Variants in METTL15 observed in about 807,000 individuals in gnomAD.
The protein encoded by METTL15 is methyltransferase 15, mitochondrial 12S rRNA N4-cytidine, also known as 12S rRNA N(4)-cytidine methyltransferase METTL15.
In METTL15, 34 loss-of-function variants were observed where a neutral mutation model predicts 38.3. The ratio of observed to expected loss-of-function variants is 0.89; its 90% CI spans 0.68 to 1.18. The LOEUF is 1.18. Ranked by LOEUF, METTL15 falls within the 50% of genes most tolerant of loss-of-function variation. The pLI is 0.00. For missense variants in METTL15, 438 were observed against 498.4 expected, an observed-to-expected ratio of 0.88 and a Z score of 1.15; for synonymous variants, 162 against 170.9, an observed-to-expected ratio of 0.95 and a Z score of 0.41.
chr11:28,207,289 A>G (rs1247228805), intron 3 of METTL15, among the ~76,000 whole-genome samples: 1 of 151,962 alleles, frequency 6.6e-6, no homozygotes, highest in Non-Finnish European at 1.5e-5. Context: ...TCCCATCAAT[A>G]CCTAATTTAT....
At chr11:28,168,607 T>G (rs1850741135) in intron 3 of METTL15, among the ~76,000 whole-genome samples, 1 of 118,598 alleles carries the variant, frequency 8.4e-6, no homozygotes, top group African/African-American at 4.2e-5. Context: ...CCTAATGCTA[T>G]CCCTCCCCCT....
At chr11:28,408,504 A>T (rs1489706219) in intron 5 of METTL15, among the ~76,000 whole-genome samples, 2 of 152,186 alleles carry the variant, frequency 1.3e-5, no homozygotes, top group Admixed American at 6.5e-5. Context: ...GGAAATAATC[A>T]TGTATAAGAA....
At chr11:28,151,448 G>T (rs1029671964) in intron 3 of METTL15, among the ~76,000 whole-genome samples, 2 of 151,790 alleles carry the variant, frequency 1.3e-5, no homozygotes. Context: ...AATATACAAA[G>T]TTCCTTTACC....
At chr11:28,133,091 A>G (rs1257883865) in intron 3 of METTL15, among the ~76,000 whole-genome samples, 2 of 152,198 alleles carry the variant, frequency 1.3e-5, no homozygotes, top group Non-Finnish European at 2.9e-5. Flanking sequence ...AACTGGGGGT[A>G]TGGCTTAAGA....
In METTL15 at chr11:28,437,261, G is replaced by A. The variant is rs541298795; in HGVS notation, c.*424+12897G>A. Reference sequence around the variant, plus strand: ...ACTTCACCTTGTGATCATGGGAGTCGATTCTCCTTAATAAACTCCCTTTCA... The same window carrying A: ...ACTTCACCTTGTGATCATGGGAGTCAATTCTCCTTAATAAACTCCCTTTCA... On this transcript the variant is annotated intron_variant and NMD_transcript_variant, in intron 6 of 7. Transcript: ENST00000532947. Among the ~76,000 whole-genome samples the A allele has an allele frequency of 9.9e-5, 15 of 152,248 alleles. No individual in the cohort carries two copies. The East Asian group carries it at 2.5e-3, about 25-fold the overall frequency.
chr11:28,372,148 T>C (rs1282179459), intron 5 of METTL15, among the ~76,000 whole-genome samples: 1 of 152,084 alleles, frequency 6.6e-6, no homozygotes, highest in East Asian at 1.9e-4. Context: ...CTTTATTATT[T>C]TGAGGTATGT....
intron 4 of METTL15, among the ~76,000 whole-genome samples, chr11:28,235,621 G>A (rs1355260227): frequency 2.0e-5 from 3 of 152,182 alleles, no homozygotes; most frequent in Admixed American, 1.3e-4. Flanking sequence ...TGTTATTAGT[G>A]TGTAAGAATG....
chr11:28,109,990 A>T (rs995022397), intron 1 of METTL15, among the ~76,000 whole-genome samples, 176 bp from the exon 2 acceptor site: 1 of 152,272 alleles, frequency 6.6e-6, no homozygotes, highest in Admixed American at 6.5e-5. Context: ...AAATTGGAGT[A>T]TAACTGCTGT....
chr11:28,293,406 T>C (rs2133994797), intron 5 of METTL15, among the ~76,000 whole-genome samples: 1 of 152,336 alleles, frequency 6.6e-6, no homozygotes, highest in East Asian at 1.9e-4. Context: ...TTCTGTTCCA[T>C]TGATCTATGT....
Position 28,435,947 on chromosome 11 carries a change from C to T in METTL15, c.*424+11583C>T, listed in dbSNP as rs189062469. ...GATAAAAACAGTTTTATGTCCCTCC[C>T]GGAAAATCATGGACTCCCTATTTTC... On this transcript the variant is annotated intron_variant and NMD_transcript_variant, in intron 6 of 7. Coordinates refer to the METTL15 transcript ENST00000532947. 1.6e-3 allele frequency among the ~76,000 whole-genome samples: 247 copies of T among 152,280 alleles called. 1 individual carries two copies. The highest frequency in any genetic ancestry group is 2.9e-3 in the Non-Finnish European group (198 of 68,022).
chr11:28,139,294 TGA>T (rs1399363462), intron 3 of METTL15, among the ~76,000 whole-genome samples: 1 of 152,188 alleles, frequency 6.6e-6, no homozygotes, highest in Non-Finnish European at 1.5e-5. Flanking sequence ...AGGAGGCATT[TGA>T]GAGAAATACA....
intron 6 of METTL15, among the ~76,000 whole-genome samples, chr11:28,426,589 T>TG (rs1486105052): frequency 8.6e-6 from 1 of 116,116 alleles, no homozygotes; most frequent in African/African-American, 4.0e-5. Flanking sequence ...CATCTGTTTT[T>TG]TTTTTTTTTT....
At chr11:28,206,473 GT>G in intron 3 of METTL15, among the ~76,000 whole-genome samples, 1 of 152,156 alleles carries the variant, frequency 6.6e-6, no homozygotes, top group East Asian at 1.9e-4. Flanking sequence ...CTATATCTCT[GT>G]TTTGGTACCA....
intron 5 of METTL15, among the ~76,000 whole-genome samples, chr11:28,372,776 C>A (rs1234578113): frequency 3.4e-5 from 4 of 117,296 alleles, no homozygotes; most frequent in South Asian, 7.3e-4. Flanking sequence ...CCCCTCCCCC[C>A]ACCCCACAAC....
intron 5 of METTL15, among the ~76,000 whole-genome samples, chr11:28,419,481 A>G (rs1850801983): frequency 6.6e-6 from 1 of 152,198 alleles, no homozygotes; most frequent in Non-Finnish European, 1.5e-5. Flanking sequence ...TGCAGTGACC[A>G]AAAACATAGA....
At chr11:28,138,770 A>G (rs1342753654) in intron 3 of METTL15, among the ~76,000 whole-genome samples, 1 of 152,194 alleles carries the variant, frequency 6.6e-6, no homozygotes, top group Non-Finnish European at 1.5e-5. Context: ...TCAAGCTCCC[A>G]AGGACGTAAA....
chr11:28,330,318 A>G (rs1015834691), intron 6 of METTL15, 78 bp from the exon 7 acceptor site: 4 of 1,301,016 alleles, frequency 3.1e-6, no homozygotes, highest in Admixed American at 2.8e-5. Flanking sequence ...GCACACAACT[A>G]CACAATTCAT....
At chr11:28,220,580 A>C (rs779289647) in intron 4 of METTL15, among the ~76,000 whole-genome samples, 4 of 152,238 alleles carry the variant, frequency 2.6e-5, no homozygotes, top group Middle Eastern at 3.4e-3. Context: ...TAATATTGTT[A>C]TGTGTGAATT....
intron 2 of METTL15, among the ~76,000 whole-genome samples, 193 bp downstream of exon 2, chr11:28,110,594 T>C (rs1851679015): frequency 6.6e-6 from 1 of 152,198 alleles, no homozygotes; most frequent in African/African-American, 2.4e-5. Flanking sequence ...AGCGTAATTC[T>C]TAGGCAAAAG....
Sources: gnomAD v4.1 joint callset for allele counts (sites outside exome capture counted in the v4.1 genomes callset) on GRCh38, gnomAD v4.1.1 for gene constraint, MANE v1.5 for transcripts, NCBI Gene and HGNC (gene_info 2026-07-23, HGNC 2026-07-21) for gene names.